The following TAPT1 variants were observed in gnomAD, a reference collection of about 807,000 sequenced individuals.
TAPT1 encodes transmembrane anterior posterior transformation 1.
In TAPT1, 28 loss-of-function variants were observed where a neutral mutation model predicts 65.6. The ratio of observed to expected loss-of-function variants is 0.43; its 90% CI spans 0.32 to 0.59. The LOEUF (loss-of-function observed/expected upper bound fraction) is 0.59, where lower values mean the gene tolerates loss of function less well. Among genes scored for constraint, TAPT1 ranks in the 20% least tolerant of loss-of-function variants. The probability of loss-of-function intolerance (pLI) is 0.09; values close to 1 mark genes in which losing one functional copy is unlikely to be tolerated. For missense variants in TAPT1, 563 were observed against 679.9 expected, an observed-to-expected ratio of 0.83 and a Z score of 1.91; for synonymous variants, 278 against 245.2, an observed-to-expected ratio of 1.13 and a Z score of -1.25.
chr4:16,200,245 C>T (rs573315976), intron 3 of TAPT1, among the ~76,000 whole-genome samples: 119 of 152,272 alleles, frequency 7.8e-4, no homozygotes, highest in Non-Finnish European at 1.2e-3. Flanking sequence ...ATGAACTTGA[C>T]GCACACTGTT....
At chr4:16,186,155 G>C (rs1749002522) in intron 7 of TAPT1, among the ~76,000 whole-genome samples, 1 of 152,066 alleles carries the variant, frequency 6.6e-6, no homozygotes, top group Admixed American at 6.5e-5. Flanking sequence ...AAAAGCTAAG[G>C]ACTTAGAGAC....
intron 13 of TAPT1, among the ~76,000 whole-genome samples, chr4:16,165,374 T>C (rs1747533974): frequency 6.6e-6 from 1 of 151,808 alleles, no homozygotes; most frequent in Non-Finnish European, 1.5e-5. Flanking sequence ...ATCGAGACCA[T>C]CCTGGCTAAC....
chr4:16,174,565 T>A, intron 10 of TAPT1, 105 bp downstream of exon 10: 1 of 1,051,492 alleles, frequency 9.5e-7, no homozygotes, highest in Non-Finnish European at 1.4e-6. Context: ...AGGCAGTTTA[T>A]GTAGCTTTCC....
chr4:16,171,674 A>G (rs1309199824), intron 11 of TAPT1, among the ~76,000 whole-genome samples: 2 of 152,218 alleles, frequency 1.3e-5, no homozygotes, highest in African/African-American at 2.4e-5. Context: ...AAAAGTGACA[A>G]TGGAAGCCCT....
intron 13 of TAPT1, among the ~76,000 whole-genome samples, chr4:16,165,394 C>T (rs1352735261): frequency 2.6e-5 from 4 of 151,848 alleles, no homozygotes; most frequent in African/African-American, 9.7e-5. Flanking sequence ...CATGGTGAAA[C>T]CCCGTCTCTA....
At chr4:16,186,254 T>C (rs1459359154) in intron 7 of TAPT1, among the ~76,000 whole-genome samples, 1 of 152,194 alleles carries the variant, frequency 6.6e-6, no homozygotes, top group African/African-American at 2.4e-5. Context: ...TTCACATCTA[T>C]AAAATGGAAA....
In TAPT1 at chr4:16,176,148, T is replaced by C; in HGVS notation, c.1078A>G (p.Ile360Val). The C allele has an allele frequency of 6.4e-7, 1 of 1,562,426 alleles. No homozygotes were observed. Among genetic ancestry groups the C allele is most frequent in the Non-Finnish European group, 8.7e-7 (1 of 1,150,738 alleles). Residue 360 changes from isoleucine to valine, a missense_variant, in exon 9 of 14, where the codon ATT (isoleucine) becomes GTT (valine). Physicochemically the swap from Ile to Val is conservative, Grantham distance 29 (BLOSUM62 3). This residue lies in a region of TAPT1 where 104 missense variants were observed against 102.5 expected (regional missense o/e 1.01). Coordinates refer to ENST00000405303, the MANE Select transcript of TAPT1 (RefSeq NM_153365.3). The part of the protein sequence containing the change: ...IAVDIVKHAF[I>V]TKFNDITADV... The stretch of plus-strand genomic sequence containing the variant: ...GCAGTAATGTCATTGAATTTAGTAA[T>C]AAAGGCATGTTTTACAATATCCACG...
intron 8 of TAPT1, among the ~76,000 whole-genome samples, chr4:16,177,070 G>A (rs1748379857): frequency 6.6e-6 from 1 of 152,170 alleles, no homozygotes. Context: ...CCTAGTGATA[G>A]ATAGATAAGT....
At chr4:16,185,851 C>T (rs1397124306) in intron 7 of TAPT1, among the ~76,000 whole-genome samples, 2 of 152,126 alleles carry the variant, frequency 1.3e-5, no homozygotes, top group African/African-American at 2.4e-5. Flanking sequence ...CTCTATTGTA[C>T]ATCTGTCTGG....
intron 1 of TAPT1, among the ~76,000 whole-genome samples, chr4:16,220,543 G>A (rs1751196511): frequency 6.6e-6 from 1 of 152,086 alleles, no homozygotes; most frequent in African/African-American, 2.4e-5. Context: ...AATGTCAAGA[G>A]ATGGAGACCA....
chr4:16,203,545 T>C (rs1750168937), intron 2 of TAPT1, among the ~76,000 whole-genome samples: 2 of 152,212 alleles, frequency 1.3e-5, no homozygotes, highest in South Asian at 2.1e-4. Flanking sequence ...GTTTAGGTCA[T>C]TAGGGTGGGC....
At chr4:16,178,197 A>G (rs1748464475) in intron 8 of TAPT1, among the ~76,000 whole-genome samples, 2 of 152,214 alleles carry the variant, frequency 1.3e-5, no homozygotes, top group African/African-American at 4.8e-5. Context: ...GGGTACACAA[A>G]GAATCTAGCT....
intron 1 of TAPT1, among the ~76,000 whole-genome samples, chr4:16,223,956 G>C (rs1751404441): frequency 6.6e-6 from 1 of 152,130 alleles, no homozygotes; most frequent in Non-Finnish European, 1.5e-5. Context: ...CTTTGGAACT[G>C]ACTGATGGTT....
intron 1 of TAPT1, 118 bp from the exon 2 acceptor site, chr4:16,214,016 T>C (rs1322087444): frequency 1.2e-5 from 9 of 755,522 alleles, no homozygotes; most frequent in African/African-American, 1.8e-5. Flanking sequence ...AAATGTTATC[T>C]ATAATTCTAT....
chr4:16,211,113 AAATT>A (rs1750629963), intron 2 of TAPT1, among the ~76,000 whole-genome samples: 1 of 152,078 alleles, frequency 6.6e-6, no homozygotes. Flanking sequence ...TAAAATATAA[AAATT>A]AATTACATGT....
intron 7 of TAPT1, among the ~76,000 whole-genome samples, chr4:16,184,018 T>C (rs1748861933): frequency 6.6e-6 from 1 of 152,218 alleles, no homozygotes; most frequent in Non-Finnish European, 1.5e-5. Flanking sequence ...ATGCCATTAT[T>C]TTCCTTGTCT....
chr4:16,170,594 T>C (rs971834401), intron 12 of TAPT1, 59 bp downstream of exon 12: 6 of 1,302,544 alleles, frequency 4.6e-6, no homozygotes, highest in African/African-American at 2.9e-5. Context: ...CTAACTTCCA[T>C]TACATCTTGC....
intron 3 of TAPT1, among the ~76,000 whole-genome samples, chr4:16,191,734 A>C (rs1184644142): frequency 2.0e-5 from 3 of 152,234 alleles, no homozygotes; most frequent in Non-Finnish European, 4.4e-5. Flanking sequence ...GATTTTAAGT[A>C]AGAATTACTA....
intron 1 of TAPT1, among the ~76,000 whole-genome samples, chr4:16,218,074 A>G (rs1310808100): frequency 2.6e-5 from 4 of 152,246 alleles, no homozygotes; most frequent in Non-Finnish European, 5.9e-5. Context: ...TTACTGCACA[A>G]TCATTTTCAA....
Sources: allele counts gnomAD v4.1 joint callset (sites outside exome capture counted in the v4.1 genomes callset), GRCh38; gene constraint gnomAD v4.1.1; regional missense constraint gnomAD v4.1.1; transcripts MANE v1.5; gene names NCBI Gene and HGNC (gene_info 2026-07-23, HGNC 2026-07-21).